Variants in PAG1 observed in about 807,000 individuals in gnomAD.
PAG1 encodes phosphoprotein associated with glycosphingolipid-enriched microdomains 1.
A neutral mutation model predicts 31.7 loss-of-function variants in PAG1; 23 were observed. The observed-to-expected ratio is 0.73, with a 90% confidence interval of 0.52 to 1.03. The LOEUF (loss-of-function observed/expected upper bound fraction) is 1.03. Ranked by LOEUF, PAG1 falls within the 50% of genes least tolerant of loss-of-function variation. The pLI, the probability that PAG1 is intolerant of heterozygous loss-of-function variation, is 0.00. For synonymous variants in PAG1, 214 were observed against 210.3 expected, an observed-to-expected ratio of 1.02 and a Z score of -0.15; for missense variants, 473 against 540.7, an observed-to-expected ratio of 0.87 and a Z score of 1.24.
intron 1 of PAG1, among the ~76,000 whole-genome samples, chr8:81,080,005 A>G (rs538382554): frequency 6.6e-6 from 1 of 152,170 alleles, no homozygotes; most frequent in South Asian, 2.1e-4. Flanking sequence ...CCTGGGCTCA[A>G]GTGATCCTCC....
At chr8:81,075,712 G>T (rs1014789053) in intron 1 of PAG1, among the ~76,000 whole-genome samples, 12 of 152,152 alleles carry the variant, frequency 7.9e-5, no homozygotes, top group Admixed American at 6.5e-5. Context: ...AAACCCAAGT[G>T]CACCTGATTC....
chr8:80,971,107 A>G lies in PAG1; in HGVS notation c.*5437T>C, dbSNP rs934864761. On this transcript the variant is annotated 3_prime_UTR_variant, in exon 9 of 9. Coordinates refer to ENST00000220597, the MANE Select transcript of PAG1 (RefSeq NM_018440.4). ...TAATCACAAAATGTTCAAGCTAATA[A>G]GAGATATTTTTGGTCTTAAAACTAA... is the stretch of plus-strand genomic sequence containing the variant. The G allele has an allele frequency of 1.3e-5, 2 of 152,230 alleles. No homozygotes were observed. Among genetic ancestry groups the G allele is most frequent in the Non-Finnish European group, 2.9e-5 (2 of 68,046 alleles). The allele number at this position is 152,230 out of a possible 1,614,324, so 9.4% of individuals were successfully genotyped here. A position where few individuals can be genotyped will look rare whatever the true frequency, so the allele number is the denominator to read the frequency against.
chr8:80,989,962 G>A (rs969645311), intron 5 of PAG1, among the ~76,000 whole-genome samples: 18 of 152,176 alleles, frequency 1.2e-4, no homozygotes, highest in African/African-American at 4.3e-4. Context: ...GGCACCAGGA[G>A]AATGGTGGAG....
At chr8:81,104,892 T>C (rs567250733) in intron 1 of PAG1, among the ~76,000 whole-genome samples, 2 of 152,176 alleles carry the variant, frequency 1.3e-5, no homozygotes, top group South Asian at 4.1e-4. Context: ...CAAAACTAAA[T>C]ATGGCCCACA....
At chr8:81,003,746 A>G (rs575368345) in intron 3 of PAG1, among the ~76,000 whole-genome samples, 1 of 152,346 alleles carries the variant, frequency 6.6e-6, no homozygotes, top group East Asian at 1.9e-4. Flanking sequence ...AGTGATTCCT[A>G]AAGTCTAAGA....
At position 80,993,946 on chromosome 8, in the gene PAG1, C is replaced by T. The variant is rs1807616171; in HGVS notation, c.-80-639G>A. Among the ~76,000 whole-genome samples, 3 of 152,062 alleles carry T rather than the reference C, an allele frequency of 2.0e-5. No homozygotes were observed. The South Asian group carries it at 6.2e-4, about 32-fold the overall frequency. On this transcript the variant is annotated intron_variant, in intron 3 of 8. Transcript: ENST00000220597. ...CTTCAAATAAAGATTTCAAGTACTC[C>T]ATAGCAAATAAATCCATGCTCATTT... is the stretch of plus-strand genomic sequence containing the variant.
intron 1 of PAG1, among the ~76,000 whole-genome samples, chr8:81,075,630 A>G (rs73694068): frequency 0.074 from 11,251 of 152,236 alleles, 1,399 homozygotes; most frequent in African/African-American, 0.25. Flanking sequence ...TGTTACACTG[A>G]TCCTACAGAT....
At chr8:81,042,050 G>A (rs1034000116) in intron 2 of PAG1, among the ~76,000 whole-genome samples, 3 of 152,162 alleles carry the variant, frequency 2.0e-5, no homozygotes, top group African/African-American at 7.2e-5. Context: ...AAATGACATA[G>A]ATTAGTATAC....
At chr8:81,070,944 T>C (rs760429556) in intron 1 of PAG1, among the ~76,000 whole-genome samples, 1 of 152,186 alleles carries the variant, frequency 6.6e-6, no homozygotes, top group Non-Finnish European at 1.5e-5. Context: ...AGTTAAAGAA[T>C]GAACCTGATA....
intron 2 of PAG1, among the ~76,000 whole-genome samples, chr8:81,069,365 T>C (rs1349884712): frequency 6.6e-6 from 1 of 152,178 alleles, no homozygotes; most frequent in Admixed American, 6.5e-5. Flanking sequence ...TGATTTAAAA[T>C]GAATATGAGT....
intron 1 of PAG1, among the ~76,000 whole-genome samples, chr8:81,075,160 T>C (rs766042585): frequency 1.3e-5 from 2 of 152,228 alleles, no homozygotes; most frequent in Non-Finnish European, 2.9e-5. Context: ...TGTGTCCATA[T>C]AGATCTATTC....
intron 2 of PAG1, among the ~76,000 whole-genome samples, chr8:81,063,331 A>G (rs550734697): frequency 1.7e-4 from 26 of 152,278 alleles, no homozygotes; most frequent in Non-Finnish European, 3.7e-4. Context: ...CATGACATGA[A>G]AAAGGAATAT....
chr8:81,062,430 T>A (rs1808933106), intron 2 of PAG1, among the ~76,000 whole-genome samples: 1 of 152,242 alleles, frequency 6.6e-6, no homozygotes, highest in South Asian at 2.1e-4. Context: ...ATTGGCAGCA[T>A]GCCTTTGGGC....
At chr8:80,988,382 A>T (rs1485793822) in intron 5 of PAG1, among the ~76,000 whole-genome samples, 2 of 152,268 alleles carry the variant, frequency 1.3e-5, no homozygotes, top group African/African-American at 4.8e-5. Flanking sequence ...AAACTATTTT[A>T]GAACCAGCAA....
chr8:81,001,280 C>T (rs146073879), intron 3 of PAG1, among the ~76,000 whole-genome samples: 77 of 152,328 alleles, frequency 5.1e-4, no homozygotes, highest in African/African-American at 1.7e-3. Flanking sequence ...TAACTGTAGC[C>T]GTAGTGTGTG....
intron 2 of PAG1, among the ~76,000 whole-genome samples, chr8:81,069,174 A>G (rs1317512123): frequency 1.3e-5 from 2 of 152,332 alleles, no homozygotes; most frequent in African/African-American, 4.8e-5. Context: ...ATAACCCTGA[A>G]ATAGCTCCCT....
intron 2 of PAG1, among the ~76,000 whole-genome samples, chr8:81,054,803 T>G (rs1435102819): frequency 1.3e-5 from 2 of 152,080 alleles, no homozygotes; most frequent in African/African-American, 2.4e-5. Context: ...ACACAGCTGG[T>G]AAGTGGTGAA....
intron 1 of PAG1, among the ~76,000 whole-genome samples, chr8:81,077,647 T>C (rs571445826): frequency 5.9e-5 from 9 of 152,266 alleles, no homozygotes; most frequent in African/African-American, 2.2e-4. Flanking sequence ...CATTTAGAAA[T>C]CTGAAAGGAA....
At chr8:81,022,448 A>G (rs1044206607) in intron 3 of PAG1, among the ~76,000 whole-genome samples, 1 of 152,202 alleles carries the variant, frequency 6.6e-6, no homozygotes, top group Non-Finnish European at 1.5e-5. Flanking sequence ...ATATTGCTGG[A>G]AAATAACGAT....
Sources: gnomAD v4.1 joint callset for allele counts (sites outside exome capture counted in the v4.1 genomes callset) on GRCh38, gnomAD v4.1.1 for gene constraint, MANE v1.5 for transcripts, NCBI Gene and HGNC (gene_info 2026-07-23, HGNC 2026-07-21) for gene names.